PEAK1: variants seen among roughly 807,000 people sequenced by gnomAD.
PEAK1 encodes pseudopodium enriched atypical kinase 1.
In PEAK1, 54 loss-of-function variants were observed where a neutral mutation model predicts 124.7. The observed-to-expected ratio is 0.43, with a 90% CI of 0.35 to 0.54. The LOEUF is 0.54. Among genes scored for constraint, PEAK1 ranks in the 20% least tolerant of loss-of-function variants. The pLI, the probability that PEAK1 is intolerant of heterozygous loss-of-function variation, is 0.01. For missense variants in PEAK1, 2,046 were observed against 2,134.5 expected (o/e 0.96, Z 0.82); for synonymous variants, 719 against 760.0 (o/e 0.95, Z 0.89).
intron 2 of PEAK1, chr15:77,348,330 GA>G: frequency 8.0e-6 from 7 of 875,124 alleles, no homozygotes; most frequent in Non-Finnish European, 9.6e-6. Context: ...TTACAAGATT[GA>G]TAGGAATATT....
chr15:77,117,017 C>T (rs976165311), intron 9 of PEAK1, among the ~76,000 whole-genome samples: 2 of 152,168 alleles, frequency 1.3e-5, no homozygotes, highest in Non-Finnish European at 1.5e-5. Context: ...CAATATTTCA[C>T]ATTTAAGTGT....
At chr15:77,210,785 CA>C (rs1453294723) in intron 6 of PEAK1, among the ~76,000 whole-genome samples, 1 of 152,128 alleles carries the variant, frequency 6.6e-6, no homozygotes, top group East Asian at 1.9e-4. Context: ...GAGGCTGAGG[CA>C]GGAGAATGGC....
At chr15:77,150,426 C>T (rs1295505931) in intron 8 of PEAK1, among the ~76,000 whole-genome samples, 1 of 152,038 alleles carries the variant, frequency 6.6e-6, no homozygotes, top group Non-Finnish European at 1.5e-5. Flanking sequence ...ATGTTAGGCA[C>T]TTAGAATATT....
rs149873543 is a variant in PEAK1, at chr15:77,355,490, T to C, written c.-603+9673A>G. ...CGACTTTAAGTCAGAGAGACCCTTT[T>C]ATAATTGCGCAAGTCACAACACATT... On this transcript the variant is annotated intron_variant, in intron 2 of 9. Coordinates refer to ENST00000682557, the MANE Select transcript of PEAK1 (RefSeq NM_001385026.1). Among the ~76,000 whole-genome samples the C allele has an allele frequency of 4.1e-4, 62 of 152,312 alleles. 2 individuals carry two copies. The East Asian group carries it at 0.012, about 29-fold the overall frequency.
chr15:77,199,380 A>G (rs536349025), intron 6 of PEAK1, among the ~76,000 whole-genome samples: 95 of 152,336 alleles, frequency 6.2e-4, no homozygotes, highest in African/African-American at 2.2e-3. Context: ...TTCAGCCTCT[A>G]GATCGGGGGC....
intron 6 of PEAK1, among the ~76,000 whole-genome samples, chr15:77,245,749 C>T (rs2060554319): frequency 6.6e-6 from 1 of 152,008 alleles, no homozygotes; most frequent in Admixed American, 6.6e-5. Context: ...TCATAGATTA[C>T]CTCTGCATCT....
At chr15:77,323,673 A>G (rs1316261898) in intron 2 of PEAK1, among the ~76,000 whole-genome samples, 1 of 152,222 alleles carries the variant, frequency 6.6e-6, no homozygotes, top group Non-Finnish European at 1.5e-5. Context: ...GCTCATGGGT[A>G]GGAAGAATCA....
chr15:77,290,750 T>C (rs2063172289), intron 2 of PEAK1, among the ~76,000 whole-genome samples: 1 of 152,102 alleles, frequency 6.6e-6, no homozygotes, highest in African/African-American at 2.4e-5. Flanking sequence ...GATGGGGTTT[T>C]GCCTTGTTAC....
intron 5 of PEAK1, among the ~76,000 whole-genome samples, chr15:77,258,401 A>G (rs1314115446): frequency 1.3e-5 from 2 of 151,928 alleles, no homozygotes; most frequent in Non-Finnish European, 2.9e-5. Context: ...CTTTTATTTC[A>G]TTGAGCAGTG....
In PEAK1 at chr15:77,175,050, T is replaced by A. The variant is rs546317799; in HGVS notation, c.3137+3740A>T. ...GTGCTGGGAAAACTGGCTAGCCATA[T>A]GTAGAAAGCTGAAACTGGATCCCTT... On this transcript the variant is annotated intron_variant, in intron 7 of 9. Coordinates refer to ENST00000682557, the MANE Select transcript of PEAK1 (RefSeq NM_001385026.1). 5.2e-3 allele frequency among the ~76,000 whole-genome samples: 789 copies of A among 151,860 alleles called. 6 individuals are homozygous for A. The highest frequency in any genetic ancestry group is 0.018 in the African/African-American group (739 of 41,372).
At chr15:77,378,967 A>G (rs2069254889) in intron 1 of PEAK1, among the ~76,000 whole-genome samples, 1 of 152,204 alleles carries the variant, frequency 6.6e-6, no homozygotes, top group African/African-American at 2.4e-5. Flanking sequence ...TTGGTCTACA[A>G]GAAACAACTG....
chr15:77,226,746 C>T (rs1161690423), intron 6 of PEAK1, among the ~76,000 whole-genome samples: 1 of 152,092 alleles, frequency 6.6e-6, no homozygotes, highest in Non-Finnish European at 1.5e-5. Flanking sequence ...TGTCATGCTA[C>T]CAGAATAACA....
rs55958042 is a variant in PEAK1, at chr15:77,225,666, TTATATA to T, written c.-115+26695_-115+26700del. On this transcript the variant is annotated intron_variant, in intron 6 of 9. Transcript: ENST00000682557. ...GTGTGTGTGTGTGTGTGTGTATAAT[TTATATA>T]TATATATATATATATATATATATAT... 7.0e-3 allele frequency among the ~76,000 whole-genome samples: 614 copies of T among 87,976 alleles called. 9 individuals carry two copies. The highest frequency in any genetic ancestry group is 0.021 in the African/African-American group (535 of 25,440). 57.7% of individuals were successfully genotyped at this position (87,976 alleles called of 152,430 possible).
intron 1 of PEAK1, among the ~76,000 whole-genome samples, chr15:77,389,448 G>C (rs773614597): frequency 6.6e-6 from 1 of 152,140 alleles, no homozygotes; most frequent in Non-Finnish European, 1.5e-5. Context: ...ATTTGCAAAT[G>C]GGAGATAATA....
chr15:77,347,606 G>A, intron 2 of PEAK1: 1 of 985,278 alleles, frequency 1.0e-6, no homozygotes. Context: ...CTACACATTT[G>A]AGATAGCCCA....
intron 9 of PEAK1, among the ~76,000 whole-genome samples, chr15:77,132,752 C>T (rs577340883): frequency 6.6e-6 from 1 of 151,182 alleles, no homozygotes; most frequent in African/African-American, 2.4e-5. Context: ...AAGGTATCTC[C>T]AAGATCCCAT....
intron 9 of PEAK1, among the ~76,000 whole-genome samples, chr15:77,120,449 T>C (rs1454780751): frequency 1.3e-5 from 2 of 152,254 alleles, no homozygotes; most frequent in African/African-American, 4.8e-5. Context: ...TCTTGATGAA[T>C]GGCTTTGTTA....
intron 6 of PEAK1, among the ~76,000 whole-genome samples, chr15:77,182,749 C>CAGAAAAAAA: frequency 1.5e-5 from 1 of 65,142 alleles, no homozygotes; most frequent in East Asian, 5.0e-4. Flanking sequence ...GACCTTGTCT[C>CAGAAAAAAA]AAAAAAAAAA....
At chr15:77,346,542 C>T (rs1008049793) in intron 2 of PEAK1, 10 of 985,250 alleles carry the variant, frequency 1.0e-5, no homozygotes, top group Non-Finnish European at 1.2e-5. Flanking sequence ...AGACACCCAC[C>T]TGGCAAGCAG....
Sources: allele counts gnomAD v4.1 joint callset (sites outside exome capture counted in the v4.1 genomes callset), GRCh38; gene constraint gnomAD v4.1.1; transcripts MANE v1.5; gene names NCBI Gene and HGNC (gene_info 2026-07-23, HGNC 2026-07-21).